RIMS2: variants seen among roughly 807,000 people sequenced by gnomAD.
The protein encoded by RIMS2 is regulating synaptic membrane exocytosis 2.
In RIMS2, 59 loss-of-function variants were observed where a neutral mutation model predicts 174.4. That is an observed-to-expected ratio of 0.34 (90% CI 0.27 to 0.42). The LOEUF (loss-of-function observed/expected upper bound fraction) is 0.42, where lower values mean the gene tolerates loss of function less well. Ranked by LOEUF, RIMS2 falls within the 10% of genes least tolerant of loss-of-function variation. RIMS2 has a pLI of 1.00. For missense variants in RIMS2, 1,620 were observed against 1,666.3 expected (o/e 0.97, Z 0.48); for synonymous variants, 606 against 572.5 (o/e 1.06, Z -0.84).
chr8:103,762,710 C>A (rs2098125261), intron 2 of RIMS2, among the ~76,000 whole-genome samples: 1 of 152,114 alleles, frequency 6.6e-6, no homozygotes, highest in Non-Finnish European at 1.5e-5. Context: ...GATGGAGATA[C>A]AGCCCAAGAA....
chr8:103,602,428 A>T (rs1441871999), intron 1 of RIMS2, among the ~76,000 whole-genome samples: 2 of 151,866 alleles, frequency 1.3e-5, no homozygotes, highest in East Asian at 3.9e-4. Context: ...CTTAATAGGT[A>T]TTTTTTTTCC....
chr8:103,931,504 G>T, intron 12 of RIMS2, 111 bp downstream of exon 14: 1 of 675,294 alleles, frequency 1.5e-6, no homozygotes, highest in Non-Finnish European at 2.3e-6. Flanking sequence ...TGAGATATGT[G>T]AAGTTTAACA....
At position 103,585,831 on chromosome 8, in the gene RIMS2, C is replaced by T. The variant is rs187816008; in HGVS notation, c.176+84769C>T. On this transcript the variant is annotated intron_variant, in intron 1 of 23. Coordinates refer to ENST00000504942, the Ensembl canonical transcript of RIMS2. ...TGACAGGTGCAGCATACCACCATGA[C>T]ACATGTATACCTGTGTAACAAACCT... Among the ~76,000 whole-genome samples the T allele has an allele frequency of 7.3e-5, 11 of 151,398 alleles. No homozygotes were observed. In the East Asian group the frequency reaches 1.8e-3, roughly 24 times the overall value.
At chr8:103,883,342 A>T (rs1188324477) in intron 3 of RIMS2, among the ~76,000 whole-genome samples, 1 of 151,778 alleles carries the variant, frequency 6.6e-6, no homozygotes, top group Non-Finnish European at 1.5e-5. Flanking sequence ...TGTTCTCTTC[A>T]TGATAGACTA....
intron 19 of RIMS2, among the ~76,000 whole-genome samples, chr8:104,237,716 T>G (rs1406638408): frequency 2.6e-5 from 4 of 152,192 alleles, no homozygotes; most frequent in Non-Finnish European, 4.4e-5. Context: ...GTGTCAATTG[T>G]TAATTTTTAA....
chr8:104,251,055 C>T (rs769990305), exon 23 of RIMS2: 10 of 1,613,044 alleles, frequency 6.2e-6, no homozygotes, highest in Admixed American at 1.7e-5. Context: ...TATTAGATAA[C>T]GGAGTCTGCA....
chr8:103,696,074 T>C (rs1450217916), intron 1 of RIMS2, among the ~76,000 whole-genome samples: 1 of 152,202 alleles, frequency 6.6e-6, no homozygotes, highest in Non-Finnish European at 1.5e-5. Context: ...ATTTTTTTTC[T>C]GTGAACAATT....
chr8:104,194,566 A>C lies in RIMS2; in HGVS notation c.3335-50350A>C, dbSNP rs1318313154. ...TTGCTCTTGAAGTTCAATTGGATAT[A>C]TTCAGTCACTCATTAGCAAAAATCA... is the stretch of plus-strand genomic sequence containing the variant. On this transcript the variant is annotated intron_variant, in intron 19 of 23. Transcript: ENST00000504942. Among the ~76,000 whole-genome samples, 3 of 152,214 alleles carry C rather than the reference A, an allele frequency of 2.0e-5. No individual in the cohort carries two copies. The South Asian group carries it at 6.2e-4, about 31-fold the overall frequency.
intron 5 of RIMS2, chr8:103,910,467 G>A: frequency 6.3e-7 from 1 of 1,596,734 alleles, no homozygotes; most frequent in Non-Finnish European, 8.5e-7. Context: ...TCAGATTAAG[G>A]ACTCTGGGGT....
chr8:103,550,123 C>G lies in RIMS2; in HGVS notation c.176+49061C>G, dbSNP rs1022617696. Among the ~76,000 whole-genome samples, 4 of 152,212 alleles carry G rather than the reference C, an allele frequency of 2.6e-5. No homozygotes were observed. The East Asian group carries it at 7.7e-4, about 29-fold the overall frequency. On this transcript the variant is annotated intron_variant, in intron 1 of 23. Coordinates refer to ENST00000504942, the Ensembl canonical transcript of RIMS2. ...AAGCAGACCTAATAGACATCTACAG[C>G]ACTCTCCACCCCAAATCAACAGAAT...
chr8:103,668,672 TTATTTATTTATG>T (rs1254877156), intron 1 of RIMS2, among the ~76,000 whole-genome samples: 4 of 151,680 alleles, frequency 2.6e-5, no homozygotes, highest in Non-Finnish European at 5.9e-5. Flanking sequence ...ATTTATTTAT[TTATTTATTTATG>T]TATTTATTTA....
intron 3 of RIMS2, among the ~76,000 whole-genome samples, chr8:103,781,119 G>A (rs958603544): frequency 2.6e-5 from 4 of 152,168 alleles, no homozygotes; most frequent in Admixed American, 1.3e-4. Context: ...TGGTGCTGTG[G>A]AATAGCCCCT....
At position 103,918,422 on chromosome 8, in the gene RIMS2, T is replaced by C; in HGVS notation, c.2037-19T>C. 1 of 1,517,802 alleles carries C rather than the reference T, an allele frequency of 6.6e-7. No individual in the cohort carries two copies. The highest frequency in any genetic ancestry group is 2.3e-5 in the East Asian group (1 of 44,110). The allele number at this position is 1,517,802 out of a possible 1,614,324, so 94.0% of individuals were successfully genotyped here. On this transcript the variant is annotated intron_variant, in intron 8 of 23. Coordinates refer to ENST00000504942, the Ensembl canonical transcript of RIMS2. The stretch of plus-strand genomic sequence containing the variant: ...GTTGAAACAGTTTCTGTCTTTCTTT[T>C]TTTTTTTAATCATTTCAGAGATATA...
intron 19 of RIMS2, among the ~76,000 whole-genome samples, chr8:104,106,999 G>T (rs367793854): frequency 6.6e-6 from 1 of 151,888 alleles, no homozygotes; most frequent in South Asian, 2.1e-4. Context: ...CAGAAAAAAT[G>T]GAATCTAATC....
At chr8:103,775,405 A>C (rs1043055342) in intron 3 of RIMS2, among the ~76,000 whole-genome samples, 11 of 152,174 alleles carry the variant, frequency 7.2e-5, no homozygotes, top group African/African-American at 2.7e-4. Context: ...AGGAGAAAAA[A>C]GAATCTAATA....
chr8:103,711,879 G>A (rs1279697720), intron 2 of RIMS2, among the ~76,000 whole-genome samples: 1 of 148,230 alleles, frequency 6.7e-6, no homozygotes, highest in African/African-American at 2.5e-5. Flanking sequence ...CTAAGCAACA[G>A]AGCCGGACCC....
chr8:103,720,837 C>T (rs778781720), intron 2 of RIMS2, among the ~76,000 whole-genome samples: 7 of 152,198 alleles, frequency 4.6e-5, no homozygotes, highest in Non-Finnish European at 8.8e-5. Context: ...ATATATTATA[C>T]ATTCTAAGTT....
At chr8:103,974,924 TG>T (rs1260392510) in intron 15 of RIMS2, among the ~76,000 whole-genome samples, 4 of 152,060 alleles carry the variant, frequency 2.6e-5, no homozygotes, top group African/African-American at 9.7e-5. Flanking sequence ...TTTTTATCAC[TG>T]AAAAAAAAGA....
intron 2 of RIMS2, among the ~76,000 whole-genome samples, chr8:103,746,781 A>G (rs1216510311): frequency 2.0e-5 from 3 of 151,962 alleles, no homozygotes; most frequent in Non-Finnish European, 2.9e-5. Flanking sequence ...CCCGGGTTCA[A>G]GCGATTCTCC....
Sources: gnomAD v4.1 joint callset for allele counts (sites outside exome capture counted in the v4.1 genomes callset) on GRCh38, gnomAD v4.1.1 for gene constraint, MANE v1.5 for transcripts, NCBI Gene and HGNC (gene_info 2026-07-23, HGNC 2026-07-21) for gene names.